SLC35F3: variants seen among roughly 807,000 people sequenced by gnomAD.
The protein encoded by SLC35F3 is solute carrier family 35 member F3.
SLC35F3 carries 25 observed loss-of-function variants against 49.9 expected under a neutral mutation model. The observed-to-expected ratio is 0.50, with a 90% CI of 0.37 to 0.70. The LOEUF (loss-of-function observed/expected upper bound fraction) is 0.70. Among genes scored for constraint, SLC35F3 ranks in the 30% least tolerant of loss-of-function variants. The probability of loss-of-function intolerance (pLI) is 0.00; values close to 1 mark genes in which losing one functional copy is unlikely to be tolerated. For synonymous variants in SLC35F3, 275 were observed against 265.4 expected (o/e 1.04, Z -0.35); for missense variants, 525 against 639.8 (o/e 0.82, Z 1.94).
chr1:233,960,806 C>G (rs1662787031), intron 2 of SLC35F3, among the ~76,000 whole-genome samples: 1 of 152,168 alleles, frequency 6.6e-6, no homozygotes, highest in Non-Finnish European at 1.5e-5. Context: ...AATGGGGTAC[C>G]TAACAAGCTG....
At chr1:234,019,843 G>GT (rs1663864481) in intron 2 of SLC35F3, among the ~76,000 whole-genome samples, 1 of 152,172 alleles carries the variant, frequency 6.6e-6, no homozygotes, top group Non-Finnish European at 1.5e-5. Context: ...CATTTCCACT[G>GT]TATTTAGCGT....
chr1:234,314,396 C>A (rs1322535281), intron 4 of SLC35F3, among the ~76,000 whole-genome samples: 1 of 152,180 alleles, frequency 6.6e-6, no homozygotes, highest in East Asian at 1.9e-4. Context: ...GAAAAAATCA[C>A]CCCTCACTGT....
chr1:234,029,384 T>G (rs1486960602), intron 2 of SLC35F3, among the ~76,000 whole-genome samples: 1 of 152,176 alleles, frequency 6.6e-6, no homozygotes, highest in Non-Finnish European at 1.5e-5. Context: ...TACAAAGTGT[T>G]GAAGGATCTT....
chr1:234,087,538 G>A (rs147547829), intron 2 of SLC35F3, among the ~76,000 whole-genome samples: 1,659 of 152,300 alleles, frequency 0.011, 23 homozygotes, highest in Non-Finnish European at 0.015. Flanking sequence ...TAGTGAACAA[G>A]CCAGGCCTGG....
At chr1:233,924,449 T>G (rs1662122415) in intron 2 of SLC35F3, among the ~76,000 whole-genome samples, 1 of 152,238 alleles carries the variant, frequency 6.6e-6, no homozygotes, top group South Asian at 2.1e-4. Flanking sequence ...TTTATAGTAT[T>G]CTCTGATGGT....
At chr1:234,139,999 T>TAAAATAAA (rs1299007462) in intron 2 of SLC35F3, among the ~76,000 whole-genome samples, 5 of 110,002 alleles carry the variant, frequency 4.5e-5, no homozygotes, top group Middle Eastern at 4.8e-3. Context: ...TAAAATAAAA[T>TAAAATAAA]AAAGTAAGTG....
At chr1:234,296,163 A>G (rs907140482) in intron 3 of SLC35F3, among the ~76,000 whole-genome samples, 9 of 152,200 alleles carry the variant, frequency 5.9e-5, no homozygotes, top group African/African-American at 2.2e-4. Flanking sequence ...GTGCTTTCTT[A>G]AAGCAGAAGG....
At chr1:234,293,004 C>T (rs533088597) in intron 3 of SLC35F3, among the ~76,000 whole-genome samples, 5 of 152,332 alleles carry the variant, frequency 3.3e-5, no homozygotes, top group Admixed American at 6.5e-5. Context: ...GAGATTACAG[C>T]TAATTCATTT....
intron 3 of SLC35F3, among the ~76,000 whole-genome samples, chr1:234,235,286 T>C (rs1667447072): frequency 6.6e-6 from 1 of 152,190 alleles, no homozygotes; most frequent in African/African-American, 2.4e-5. Flanking sequence ...ATCTTCACTG[T>C]TTCTCAATGA....
chr1:234,100,111 G>A (rs189058868), intron 2 of SLC35F3, among the ~76,000 whole-genome samples: 1 of 152,252 alleles, frequency 6.6e-6, no homozygotes, highest in Admixed American at 6.5e-5. Context: ...GGTTTGTGGT[G>A]CTTATTAAAC....
At chr1:234,142,085 C>G (rs899259994) in intron 2 of SLC35F3, among the ~76,000 whole-genome samples, 1 of 152,112 alleles carries the variant, frequency 6.6e-6, no homozygotes, top group Admixed American at 6.5e-5. Flanking sequence ...GGAAGATCAT[C>G]GAAAGACTAA....
At chr1:234,296,486 C>T (rs1345317624) in intron 3 of SLC35F3, among the ~76,000 whole-genome samples, 1 of 152,196 alleles carries the variant, frequency 6.6e-6, no homozygotes, top group East Asian at 1.9e-4. Flanking sequence ...TGCAGAGGTT[C>T]AGAAGGTCCG....
At chr1:234,147,626 G>C (rs1666018064) in intron 2 of SLC35F3, among the ~76,000 whole-genome samples, 1 of 152,070 alleles carries the variant, frequency 6.6e-6, no homozygotes, top group Admixed American at 6.6e-5. Context: ...TTGGATAAAG[G>C]GCCAAAAGTC....
intron 2 of SLC35F3, among the ~76,000 whole-genome samples, chr1:234,007,384 C>A (rs115549401): frequency 0.019 from 2,923 of 152,180 alleles, 96 homozygotes; most frequent in African/African-American, 0.065. Context: ...AAGTTGTAAG[C>A]AGAGGGAACA....
intron 3 of SLC35F3, among the ~76,000 whole-genome samples, chr1:234,291,695 C>T (rs1389368451): frequency 1.3e-5 from 2 of 152,172 alleles, no homozygotes; most frequent in African/African-American, 4.8e-5. Flanking sequence ...TCCCAAAGTG[C>T]TGGGATTACA....
chr1:233,914,384 G>A (rs1340522966), intron 2 of SLC35F3, among the ~76,000 whole-genome samples: 1 of 152,142 alleles, frequency 6.6e-6, no homozygotes, highest in East Asian at 1.9e-4. Flanking sequence ...AGGACTCCAT[G>A]CTGGGGCCTG....
chr1:233,960,937 C>T (rs890565334), intron 2 of SLC35F3, among the ~76,000 whole-genome samples: 1 of 151,708 alleles, frequency 6.6e-6, no homozygotes, highest in Admixed American at 6.6e-5. Context: ...GCTCCACACA[C>T]CTGCACCACC....
intron 2 of SLC35F3, among the ~76,000 whole-genome samples, chr1:234,076,405 C>G (rs1664792136): frequency 6.6e-6 from 1 of 151,848 alleles, no homozygotes; most frequent in African/African-American, 2.4e-5. Context: ...TGAGACCCAC[C>G]TGGGCAACAT....
intron 2 of SLC35F3, among the ~76,000 whole-genome samples, chr1:234,141,971 C>T (rs1251492167): frequency 2.0e-5 from 3 of 152,186 alleles, no homozygotes; most frequent in Non-Finnish European, 4.4e-5. Context: ...TATCCTTTGT[C>T]CCCCATTAGA....
Sources: gnomAD v4.1 joint callset for allele counts (sites outside exome capture counted in the v4.1 genomes callset) on GRCh38, gnomAD v4.1.1 for gene constraint, MANE v1.5 for transcripts, NCBI Gene and HGNC (gene_info 2026-07-23, HGNC 2026-07-21) for gene names.